The following AKAP6 variants were observed in gnomAD, a reference collection of about 807,000 sequenced individuals.
The protein encoded by AKAP6 is A-kinase anchoring protein 6, also known as A-kinase anchor protein 6.
AKAP6 carries 58 observed loss-of-function variants against 188.5 expected under a neutral mutation model. The observed-to-expected ratio is 0.31, with a 90% CI of 0.25 to 0.38. The LOEUF (loss-of-function observed/expected upper bound fraction) is 0.38. AKAP6 is among the 10% of genes least tolerant of loss of function. The pLI, the probability that AKAP6 is intolerant of heterozygous loss-of-function variation, is 1.00. For missense variants in AKAP6, 2,710 were observed against 2,740.0 expected (o/e 0.99, Z 0.24); for synonymous variants, 989 against 998.6 (o/e 0.99, Z 0.18).
chr14:32,732,331 C>T (rs1240748711), intron 9 of AKAP6, 123 bp from the exon 10 acceptor site: 2 of 999,492 alleles, frequency 2.0e-6, no homozygotes, highest in Non-Finnish European at 2.9e-6. Context: ...GGTTTAGCCT[C>T]CCCATAAATT....
intron 1 of AKAP6, among the ~76,000 whole-genome samples, chr14:32,423,803 T>C (rs1889936796): frequency 1.3e-5 from 2 of 152,152 alleles, no homozygotes; most frequent in Admixed American, 6.6e-5. Context: ...GAAATAATTT[T>C]AGAACAAGAA....
chr14:32,823,007 G>A lies in AKAP6; in HGVS notation c.5194G>A (p.Val1732Ile), dbSNP rs1374467633. 6.2e-7 allele frequency: 1 copy of A among 1,613,902 alleles called. No individual in the cohort carries two copies. Among genetic ancestry groups the A allele is most frequent in the African/African-American group, 1.3e-5 (1 of 75,002 alleles). The change falls in exon 13 of 14, where the codon GTC (valine) becomes ATC (isoleucine). Residue 1732 changes from valine to isoleucine, a missense_variant. Transcript: ENST00000280979. ...LTRSVADESD[V>I]NVSMIVNVSC... ...TCGTTCAGTGGCTGATGAAAGCGAT[G>A]TCAATGTCAGCATGATTGTTAATGT...
intron 7 of AKAP6, among the ~76,000 whole-genome samples, chr14:32,618,830 C>A (rs796848671): frequency 9.9e-5 from 15 of 152,170 alleles, no homozygotes; most frequent in Admixed American, 9.2e-4. Context: ...ATAAGTGTTC[C>A]CTTTTCATCA....
At chr14:32,805,754 T>C (rs1386817792) in intron 12 of AKAP6, among the ~76,000 whole-genome samples, 1 of 152,254 alleles carries the variant, frequency 6.6e-6, no homozygotes, top group Non-Finnish European at 1.5e-5. Context: ...ATTTTAGGTC[T>C]GTTGTTTCCC....
At chr14:32,804,999 C>G (rs2034052462) in intron 12 of AKAP6, among the ~76,000 whole-genome samples, 1 of 152,100 alleles carries the variant, frequency 6.6e-6, no homozygotes, top group Admixed American at 6.6e-5. Context: ...TTATTCTATT[C>G]TTTTTCAAGG....
chr14:32,424,078 G>A (rs749011728), intron 1 of AKAP6, among the ~76,000 whole-genome samples: 1 of 152,034 alleles, frequency 6.6e-6, no homozygotes, highest in Non-Finnish European at 1.5e-5. Flanking sequence ...GTCTTTGCTT[G>A]GAAAAGTGGA....
At chr14:32,682,661 G>A (rs1326598754) in intron 8 of AKAP6, among the ~76,000 whole-genome samples, 1 of 152,152 alleles carries the variant, frequency 6.6e-6, no homozygotes, top group African/African-American at 2.4e-5. Flanking sequence ...TGAATTCATG[G>A]TTCTTAACCG....
rs930945836 is a variant in AKAP6, at chr14:32,732,492, G to C, written c.3039G>C (p.Lys1013Asn). 1 of 1,613,456 alleles carries C rather than the reference G, an allele frequency of 6.2e-7. No homozygotes were observed. The highest frequency in any genetic ancestry group is 1.3e-5 in the African/African-American group (1 of 75,006). The change falls in exon 10 of 14, where the codon AAG becomes AAC. Residue 1013 changes from lysine to asparagine, a missense_variant. Lys to Asn is a moderately conservative substitution (Grantham distance 94). Transcript: ENST00000280979. Reference protein sequence around the residue: ...SVEMSIRHLKKTELLSKVEAL... With the variant: ...SVEMSIRHLKNTELLSKVEAL... The stretch of plus-strand genomic sequence containing the variant: ...AAATGTCCATCAGACACCTGAAAAA[G>C]ACGGAGCTGCTTAGTAAGGTTGAAG...
intron 7 of AKAP6, among the ~76,000 whole-genome samples, chr14:32,603,890 C>T (rs1886032275): frequency 6.6e-6 from 1 of 151,770 alleles, no homozygotes; most frequent in East Asian, 1.9e-4. Context: ...TTCCAAACCT[C>T]TCAACGAGCA....
intron 9 of AKAP6, among the ~76,000 whole-genome samples, chr14:32,719,675 C>A (rs891108551): frequency 6.6e-6 from 1 of 152,118 alleles, no homozygotes; most frequent in Non-Finnish European, 1.5e-5. Flanking sequence ...GGGAAAAGCA[C>A]GTTTCAGAAT....
chr14:32,666,849 A>G (rs1450912003), intron 7 of AKAP6, among the ~76,000 whole-genome samples: 1 of 152,102 alleles, frequency 6.6e-6, no homozygotes, highest in East Asian at 1.9e-4. Flanking sequence ...TTTGCTACAG[A>G]TATCAAATTA....
intron 2 of AKAP6, among the ~76,000 whole-genome samples, chr14:32,477,390 G>A (rs576950369): frequency 6.6e-6 from 1 of 152,056 alleles, no homozygotes; most frequent in African/African-American, 2.4e-5. Flanking sequence ...CATGCCTGGC[G>A]GTGTTGAAGG....
At chr14:32,761,120 A>G (rs1389473220) in intron 11 of AKAP6, among the ~76,000 whole-genome samples, 1 of 149,396 alleles carries the variant, frequency 6.7e-6, no homozygotes, top group Non-Finnish European at 1.5e-5. Context: ...AAACAGAAAT[A>G]TGAAGTTTAT....
At chr14:32,642,293 A>G (rs944255692) in intron 7 of AKAP6, among the ~76,000 whole-genome samples, 2 of 152,140 alleles carry the variant, frequency 1.3e-5, no homozygotes, top group South Asian at 2.1e-4. Flanking sequence ...TGCTCTTCCT[A>G]TTTTCCACTT....
chr14:32,512,449 A>G (rs901759433), intron 2 of AKAP6, among the ~76,000 whole-genome samples: 4 of 152,188 alleles, frequency 2.6e-5, no homozygotes, highest in African/African-American at 9.6e-5. Flanking sequence ...TTAGCTGGCA[A>G]CTGATTTCAA....
At chr14:32,694,648 C>T (rs987423176) in intron 8 of AKAP6, among the ~76,000 whole-genome samples, 5 of 152,022 alleles carry the variant, frequency 3.3e-5, no homozygotes, top group Non-Finnish European at 7.4e-5. Context: ...CCCTTGGGTG[C>T]TTATAGTTCT....
chr14:32,511,850 T>G (rs1441703336), intron 2 of AKAP6, among the ~76,000 whole-genome samples: 1 of 152,212 alleles, frequency 6.6e-6, no homozygotes, highest in Non-Finnish European at 1.5e-5. Context: ...TTATCTTTAA[T>G]AGTGTACCTT....
chr14:32,732,580 G>T lies in AKAP6; in HGVS notation c.3127G>T (p.Glu1043Ter). Residue 1043 changes from glutamate to a stop codon, truncating the protein, a stop_gained, in exon 10 of 14, where the codon GAA becomes TAA. Coordinates refer to ENST00000280979, the MANE Select transcript of AKAP6 (RefSeq NM_004274.5). LOFTEE classifies it high-confidence loss of function. Reference protein sequence around the residue: ...DLLEKVDSINEKWELLGKTLG... With the variant: ...DLLEKVDSIN ...CCTTGAAAAAGTGGATTCAATTAAT[G>T]AAAAATGGGAACTGCTTGGGGTATT... is the stretch of plus-strand genomic sequence containing the variant. 6.2e-7 allele frequency: 1 copy of T among 1,613,536 alleles called. No individual in the cohort carries two copies. Among genetic ancestry groups the T allele is most frequent in the South Asian group, 1.1e-5 (1 of 91,066 alleles).
At chr14:32,340,935 C>T (rs1186039579) in intron 1 of AKAP6, among the ~76,000 whole-genome samples, 2 of 152,200 alleles carry the variant, frequency 1.3e-5, no homozygotes, top group African/African-American at 2.4e-5. Flanking sequence ...TCCCAAAGGC[C>T]CTGCCTCCTA....
Sources: gnomAD v4.1 joint callset for allele counts (sites outside exome capture counted in the v4.1 genomes callset) on GRCh38, gnomAD v4.1.1 for gene constraint, MANE v1.5 for transcripts, NCBI Gene and HGNC (gene_info 2026-07-23, HGNC 2026-07-21) for gene names.